Variants in SCYL3 observed in about 807,000 individuals in gnomAD.
SCYL3 encodes the protein protein-associating with the carboxyl-terminal domain of ezrin.
In SCYL3, 35 loss-of-function variants were observed where a neutral mutation model predicts 73.8. That is an observed-to-expected ratio of 0.47 (90% CI 0.36 to 0.63). The LOEUF is 0.63. Ranked by LOEUF, SCYL3 falls within the 20% of genes least tolerant of loss-of-function variation. SCYL3 has a pLI of 0.00. For synonymous variants in SCYL3, 277 were observed against 295.2 expected (o/e 0.94, Z 0.63); for missense variants, 712 against 798.9 (o/e 0.89, Z 1.31).
Position 169,851,866 on chromosome 1 carries a change from A to G in SCYL3, c.*1847T>C, listed in dbSNP as rs922884584. 1 of 1,614,106 alleles carries G rather than the reference A, an allele frequency of 6.2e-7. No individual in the cohort carries two copies. Among genetic ancestry groups the G allele is most frequent in the African/African-American group, 1.3e-5 (1 of 75,054 alleles). On this transcript the variant is annotated 3_prime_UTR_variant, in exon 13 of 13. Transcript: ENST00000367771. ...GCTGCCAAAGTGGAACGTGTGAAAC[A>G]GGAAAAAGGTATTTTCTGGGAACCC...
In SCYL3 at chr1:169,879,713, G is replaced by A. The variant is rs950752108; in HGVS notation, c.166-894C>T. 7.9e-5 allele frequency among the ~76,000 whole-genome samples: 12 copies of A among 152,018 alleles called. No individual in the cohort carries two copies. In the East Asian group the frequency reaches 2.3e-3, roughly 29 times the overall value. The stretch of plus-strand genomic sequence containing the variant: ...AATGTAACACATTCTCAATGGAAAA[G>A]ACAACCAACAAACACCACTCCAAGG... On this transcript the variant is annotated intron_variant, in intron 2 of 12. Transcript: ENST00000367771.
chr1:169,888,349 C>T (rs17544586), intron 2 of SCYL3, among the ~76,000 whole-genome samples: 10,024 of 152,242 alleles, frequency 0.066, 429 homozygotes, highest in Non-Finnish European at 0.1. Context: ...TTTTGCTAGA[C>T]GAGATTAACT....
Position 169,853,118 on chromosome 1 carries a change from T to TAG in SCYL3, c.*593_*594dup, listed in dbSNP as rs1278072662. On this transcript the variant is annotated 3_prime_UTR_variant, in exon 13 of 13. Coordinates refer to ENST00000367771, the MANE Select transcript of SCYL3 (RefSeq NM_020423.7). Reference sequence around the variant, plus strand: ...GTGAAAATAATCTTTATTTGACATTTAGAGAACAGGATTGTGGGGAATATT... The same window carrying TAG: ...GTGAAAATAATCTTTATTTGACATTTAGAGAGAACAGGATTGTGGGGAATATT... 1.1e-5 allele frequency: 9 copies of TAG among 854,836 alleles called. No individual in the cohort carries two copies. Among genetic ancestry groups the TAG allele is most frequent in the Non-Finnish European group, 1.6e-5 (9 of 547,284 alleles). The allele number at this position is 854,836 out of a possible 1,614,324, so 53.0% of individuals were successfully genotyped here. A position where few individuals can be genotyped will look rare whatever the true frequency, so the allele number is the denominator to read the frequency against.
At chr1:169,865,598 C>T (rs1329313310) in intron 8 of SCYL3, among the ~76,000 whole-genome samples, 3 of 152,174 alleles carry the variant, frequency 2.0e-5, no homozygotes, top group African/African-American at 7.2e-5. Flanking sequence ...GTCTCTTCCA[C>T]CCTTACAAAA....
intron 5 of SCYL3, among the ~76,000 whole-genome samples, chr1:169,871,014 A>G (rs1258008249): frequency 6.6e-6 from 1 of 152,204 alleles, no homozygotes; most frequent in Non-Finnish European, 1.5e-5. Flanking sequence ...ATTTATTGGT[A>G]AATAGAATTT....
At chr1:169,856,491 GTCAA>G (rs758586019) in intron 11 of SCYL3, among the ~76,000 whole-genome samples, 2 of 152,154 alleles carry the variant, frequency 1.3e-5, no homozygotes, top group Non-Finnish European at 2.9e-5. Context: ...ATGGGCATTG[GTCAA>G]TCAATTTTTG....
intron 6 of SCYL3, among the ~76,000 whole-genome samples, chr1:169,869,331 A>G (rs1417769790): frequency 6.6e-6 from 1 of 152,208 alleles, no homozygotes; most frequent in Non-Finnish European, 1.5e-5. Context: ...GCTAACAGTG[A>G]TAGGTTTGAG....
Position 169,854,971 on chromosome 1 carries a change from G to A in SCYL3, c.1313-7C>T, listed in dbSNP as rs758818354. ...GGCTGAGAAAATGGATCGCCTGTAG[G>A]GAAAATAATTATTCTCATAAAATAC... On this transcript the variant is annotated splice_polypyrimidine_tract_variant and splice_region_variant and intron_variant, in intron 11 of 12. Transcript: ENST00000367771. The A allele has an allele frequency of 2.6e-6, 4 of 1,566,154 alleles. No individual in the cohort carries two copies. The East Asian group carries it at 6.7e-5, about 26-fold the overall frequency.
chr1:169,878,794 C>A lies in SCYL3; in HGVS notation c.191G>T (p.Cys64Phe). The change falls in exon 3 of 13, where the codon TGC becomes TTC. Residue 64 changes from cysteine to phenylalanine, a missense_variant. Transcript: ENST00000367771. ...AKHLKTLRHP[C>F]LLRFLSCTVE... ...AGTACAAGATAAAAATCTTAGCAAG[C>A]AAGGGTGACGAAGTGTCTTCAAATG... 4.3e-6 allele frequency: 7 copies of A among 1,612,900 alleles called. No individual in the cohort carries two copies. The highest frequency in any genetic ancestry group is 5.9e-6 in the Non-Finnish European group (7 of 1,179,632).
chr1:169,879,372 A>G (rs1661083222), intron 2 of SCYL3, among the ~76,000 whole-genome samples: 1 of 152,228 alleles, frequency 6.6e-6, no homozygotes, highest in Admixed American at 6.5e-5. Flanking sequence ...TGAGGAGGGT[A>G]TCCCAGAGAG....
At chr1:169,853,878 G>GAAAC (rs1658771107) in intron 12 of SCYL3, 106 bp from the exon 13 acceptor site, 4 of 1,248,718 alleles carry the variant, frequency 3.2e-6, no homozygotes, top group East Asian at 2.3e-5. Flanking sequence ...TTTGATGCCA[G>GAAAC]AAACACTACC....
At chr1:169,876,783 G>A (rs1263805243) in intron 3 of SCYL3, among the ~76,000 whole-genome samples, 2 of 151,672 alleles carry the variant, frequency 1.3e-5, no homozygotes, top group East Asian at 1.9e-4. Context: ...GTGAAACCGC[G>A]TCTCTACGAA....
In SCYL3 at chr1:169,851,528, G is replaced by C. The variant is rs1391617835; in HGVS notation, c.*2185C>G. The C allele has an allele frequency of 6.6e-6, 2 of 303,374 alleles. No individual in the cohort carries two copies. The highest frequency in any genetic ancestry group is 1.2e-5 in the Non-Finnish European group (2 of 164,888). 18.8% of individuals were successfully genotyped at this position (303,374 alleles called of 1,614,324 possible). A position where few individuals can be genotyped will look rare whatever the true frequency, so the allele number is the denominator to read the frequency against. On this transcript the variant is annotated 3_prime_UTR_variant, in exon 13 of 13. Coordinates refer to ENST00000367771, the MANE Select transcript of SCYL3 (RefSeq NM_020423.7). ...ATATTACATCTAAGCTGGATTTTAA[G>C]TACATGTGTATACACTGCTGTTGCC...
Position 169,854,311 on chromosome 1 carries a change from T to C in SCYL3, c.1966A>G (p.Met656Val), listed in dbSNP as rs1288784938. Residue 656 changes from methionine to valine, a missense_variant, in exon 12 of 13, where the codon ATG becomes GTG. Transcript: ENST00000367771. ...GCAGCAAATTTTGAGGAAAACTGCA[T>C]CACTGGGGAGACATCATCCTTTTTT... ...VPKKDDVSPVMQFSSKFAAAE... is the reference protein window; with the variant it reads ...VPKKDDVSPVVQFSSKFAAAE... 1 of 1,611,210 alleles carries C rather than the reference T, an allele frequency of 6.2e-7. No homozygotes were observed. Among genetic ancestry groups the C allele is most frequent in the South Asian group, 1.1e-5 (1 of 90,268 alleles).
In SCYL3 at chr1:169,876,017, T is replaced by C; in HGVS notation, c.426A>G (p.Gly142=). 1 of 1,612,300 alleles carries C rather than the reference T, an allele frequency of 6.2e-7. No homozygotes were observed. Among genetic ancestry groups the C allele is most frequent in the African/African-American group, 1.3e-5 (1 of 74,902 alleles). ...GAGAAACTTTACAAACAGTTTCCAT[T>C]CCTCCTAGCTTCCAGTGTCCATCTT... ...VSEDGHWKLG[G]METVCKVSQA... is the part of the protein sequence containing the mutation. The change falls in exon 4 of 13, where the codon GGA becomes GGG. Residue 142 remains glycine (G), a synonymous_variant. Coordinates refer to ENST00000367771, the MANE Select transcript of SCYL3 (RefSeq NM_020423.7).
intron 11 of SCYL3, chr1:169,856,015 A>G (rs949066245): frequency 2.0e-6 from 3 of 1,534,992 alleles, no homozygotes; most frequent in East Asian, 2.3e-5. Context: ...TTCTTGATCT[A>G]TCACATGGTT....
chr1:169,852,056 C>G lies in SCYL3; in HGVS notation c.*1657G>C. On this transcript the variant is annotated 3_prime_UTR_variant, in exon 13 of 13. Coordinates refer to ENST00000367771, the MANE Select transcript of SCYL3 (RefSeq NM_020423.7). Reference sequence around the variant, plus strand: ...ATGCTGAATTTCAAATCAAATAGATCTAGACATGTAAAATTCTGTTTTATG... The same window carrying G: ...ATGCTGAATTTCAAATCAAATAGATGTAGACATGTAAAATTCTGTTTTATG... 4.4e-6 allele frequency: 6 copies of G among 1,378,456 alleles called. No homozygotes were observed. Among genetic ancestry groups the G allele is most frequent in the Non-Finnish European group, 6.1e-6 (6 of 987,128 alleles). The allele number at this position is 1,378,456 out of a possible 1,614,324, so 85.4% of individuals were successfully genotyped here.
chr1:169,852,111 C>A lies in SCYL3; in HGVS notation c.*1602G>T. 1 of 757,450 alleles carries A rather than the reference C, an allele frequency of 1.3e-6. No individual in the cohort carries two copies. The highest frequency in any genetic ancestry group is 2.2e-6 in the Non-Finnish European group (1 of 459,464). The allele number at this position is 757,450 out of a possible 1,614,324, so 46.9% of individuals were successfully genotyped here. A position where few individuals can be genotyped will look rare whatever the true frequency, so the allele number is the denominator to read the frequency against. On this transcript the variant is annotated 3_prime_UTR_variant, in exon 13 of 13. Coordinates refer to ENST00000367771, the MANE Select transcript of SCYL3 (RefSeq NM_020423.7). ...TTGCTTTTAAAATTAAGAAGTGGGA[C>A]TACACCATATCAAATATATTCTTTC...
chr1:169,850,996 TTTTTTTTTTTA>T lies in SCYL3; in HGVS notation c.*2706_*2716del, dbSNP rs1558102723. ...TAGGCATGGCTTTTTTTTTTTTTTT[TTTTTTTTTTTA>T]TTTGGGCAGCCTCCCAAGCCAGGGT... On this transcript the variant is annotated 3_prime_UTR_variant, in exon 13 of 13. Coordinates refer to ENST00000367771, the MANE Select transcript of SCYL3 (RefSeq NM_020423.7). 2 of 55,470 alleles carry T rather than the reference TTTTTTTTTTTA, an allele frequency of 3.6e-5. No individual in the cohort carries two copies. Among genetic ancestry groups the T allele is most frequent in the East Asian group, 3.9e-4 (1 of 2,566 alleles). 3.4% of individuals were successfully genotyped at this position (55,470 alleles called of 1,614,324 possible).
Sources: gnomAD v4.1 joint callset for allele counts (sites outside exome capture counted in the v4.1 genomes callset) on GRCh38, gnomAD v4.1.1 for gene constraint, MANE v1.5 for transcripts, NCBI Gene and HGNC (gene_info 2026-07-23, HGNC 2026-07-21) for gene names.